CTNND2: variants seen among roughly 807,000 people sequenced by gnomAD.
CTNND2 encodes the protein catenin delta 2, also known as catenin delta-2.
In CTNND2, 22 loss-of-function variants were observed where a neutral mutation model predicts 144.4. That is an observed-to-expected ratio of 0.15 (90% CI 0.11 to 0.22). The LOEUF is 0.22. Ranked by LOEUF, CTNND2 falls within the 10% of genes least tolerant of loss-of-function variation. The pLI, the probability that CTNND2 is intolerant of heterozygous loss-of-function variation, is 1.00. For synonymous variants in CTNND2, 751 were observed against 695.6 expected (o/e 1.08, Z -1.25); for missense variants, 1,353 against 1,618.8 (o/e 0.84, Z 2.82).
chr5:11,878,602 A>C (rs910572970), intron 1 of CTNND2, among the ~76,000 whole-genome samples: 1 of 152,236 alleles, frequency 6.6e-6, no homozygotes, highest in African/African-American at 2.4e-5. Context: ...ACTAGATGTT[A>C]TTTCCGGAAT....
intron 16 of CTNND2, among the ~76,000 whole-genome samples, chr5:11,052,987 G>A (rs1332677756): frequency 6.6e-6 from 1 of 151,156 alleles, no homozygotes; most frequent in African/African-American, 2.5e-5. Flanking sequence ...ATATAGGGCA[G>A]TGGCTAGTTC....
intron 3 of CTNND2, among the ~76,000 whole-genome samples, chr5:11,454,482 A>C (rs535407841): frequency 6.6e-6 from 1 of 152,212 alleles, no homozygotes; most frequent in Non-Finnish European, 1.5e-5. Context: ...GTATATGTTC[A>C]AAAACAATTT....
chr5:11,783,914 C>T (rs1172990623), intron 1 of CTNND2, among the ~76,000 whole-genome samples: 1 of 152,162 alleles, frequency 6.6e-6, no homozygotes, highest in African/African-American at 2.4e-5. Flanking sequence ...CGATGGCACC[C>T]TGGGTGAGAG....
intron 1 of CTNND2, among the ~76,000 whole-genome samples, chr5:11,897,468 T>C (rs1327882807): frequency 1.3e-5 from 2 of 152,212 alleles, no homozygotes; most frequent in Non-Finnish European, 2.9e-5. Flanking sequence ...TAATTATTTA[T>C]ACTGAGGCAG....
intron 17 of CTNND2, among the ~76,000 whole-genome samples, chr5:11,020,999 T>C (rs1349600595): frequency 6.6e-6 from 1 of 152,216 alleles, no homozygotes; most frequent in African/African-American, 2.4e-5. Flanking sequence ...ATAATCAAGA[T>C]TGGACCTGGC....
intron 3 of CTNND2, among the ~76,000 whole-genome samples, chr5:11,451,214 CGT>C (rs1405228897): frequency 2.0e-5 from 3 of 151,948 alleles, no homozygotes; most frequent in Non-Finnish European, 4.4e-5. Flanking sequence ...TGTCCCGTAA[CGT>C]CTTTGTCAAT....
chr5:11,693,815 A>T (rs527873523), intron 2 of CTNND2, among the ~76,000 whole-genome samples: 35 of 152,374 alleles, frequency 2.3e-4, no homozygotes, highest in Non-Finnish European at 3.7e-4. Context: ...ATAACACTGA[A>T]TTAGAGAATA....
At chr5:11,512,299 C>A (rs955831185) in intron 3 of CTNND2, among the ~76,000 whole-genome samples, 3 of 152,218 alleles carry the variant, frequency 2.0e-5, no homozygotes, top group Non-Finnish European at 4.4e-5. Flanking sequence ...ATAAATTGTG[C>A]GGTTAGTCCT....
intron 1 of CTNND2, among the ~76,000 whole-genome samples, chr5:11,839,060 T>C (rs1255815238): frequency 6.6e-6 from 1 of 152,200 alleles, no homozygotes; most frequent in Admixed American, 6.5e-5. Context: ...AGGAGGAATT[T>C]GTCATCTGCA....
intron 18 of CTNND2, among the ~76,000 whole-genome samples, chr5:11,003,377 A>G (rs1005166832): frequency 1.3e-5 from 2 of 152,192 alleles, no homozygotes; most frequent in Admixed American, 1.3e-4. Flanking sequence ...TTAGGTAACC[A>G]GCTAAGACAT....
At chr5:11,827,655 C>A (rs2126954854) in intron 1 of CTNND2, among the ~76,000 whole-genome samples, 1 of 152,236 alleles carries the variant, frequency 6.6e-6, no homozygotes, top group African/African-American at 2.4e-5. Flanking sequence ...TTATTATTAA[C>A]AATTTTATGC....
chr5:11,853,807 T>C (rs898089916), intron 1 of CTNND2, among the ~76,000 whole-genome samples: 3 of 152,244 alleles, frequency 2.0e-5, no homozygotes, highest in African/African-American at 7.2e-5. Flanking sequence ...TTCTACCTTC[T>C]GGATAGGTAC....
chr5:11,120,607 T>G (rs1328274896), intron 12 of CTNND2, among the ~76,000 whole-genome samples: 3 of 50,684 alleles, frequency 5.9e-5, no homozygotes, highest in Non-Finnish European at 1.2e-4. Flanking sequence ...GGGGTTATCA[T>G]GCTGTCTGCA....
intron 3 of CTNND2, among the ~76,000 whole-genome samples, chr5:11,413,420 C>T (rs1341389492): frequency 6.6e-6 from 1 of 152,080 alleles, no homozygotes; most frequent in Admixed American, 6.6e-5. Context: ...CCATAGTTAT[C>T]CTGGCTATTT....
chr5:10,978,302 C>A (rs779130113), intron 21 of CTNND2, among the ~76,000 whole-genome samples: 8 of 152,154 alleles, frequency 5.3e-5, no homozygotes, highest in Non-Finnish European at 7.4e-5. Flanking sequence ...CTCTAGGACT[C>A]CCAACCGGAA....
At chr5:11,387,073 A>G (rs1759157664) in intron 6 of CTNND2, among the ~76,000 whole-genome samples, 1 of 151,798 alleles carries the variant, frequency 6.6e-6, no homozygotes, top group South Asian at 2.1e-4. Flanking sequence ...AAATCTCAAT[A>G]CTCATGACTT....
intron 1 of CTNND2, among the ~76,000 whole-genome samples, chr5:11,794,182 C>G (rs1482803228): frequency 3.9e-5 from 6 of 152,182 alleles, no homozygotes; most frequent in Admixed American, 2.6e-4. Flanking sequence ...AATTCTCTTC[C>G]CTAAGGAATT....
chr5:11,481,603 G>C (rs995413640), intron 3 of CTNND2, among the ~76,000 whole-genome samples: 2 of 152,008 alleles, frequency 1.3e-5, no homozygotes, highest in African/African-American at 2.4e-5. Flanking sequence ...ACCCTGGAGA[G>C]AGGGAGAGGG....
At chr5:11,579,629 T>C (rs1778256220) in intron 2 of CTNND2, among the ~76,000 whole-genome samples, 1 of 152,226 alleles carries the variant, frequency 6.6e-6, no homozygotes, top group Admixed American at 6.5e-5. Flanking sequence ...CATAACAACT[T>C]AGTTATAATG....
Sources: allele counts gnomAD v4.1 joint callset (sites outside exome capture counted in the v4.1 genomes callset), GRCh38; gene constraint gnomAD v4.1.1; transcripts MANE v1.5; gene names NCBI Gene and HGNC (gene_info 2026-07-23, HGNC 2026-07-21).